Variants in PAX5 observed in about 807,000 individuals in gnomAD.
PAX5 encodes the protein paired box protein Pax-5.
PAX5 carries 9 observed loss-of-function variants against 43.7 expected under a neutral mutation model. The observed-to-expected ratio is 0.21, with a 90% CI of 0.12 to 0.36. The LOEUF is 0.36. PAX5 is among the 10% of genes least tolerant of loss of function. The pLI is 1.00. For missense variants in PAX5, 383 were observed against 532.7 expected (o/e 0.72, Z 2.77); for synonymous variants, 228 against 214.3 (o/e 1.06, Z -0.56).
chr9:36,834,954 C>T lies in PAX5; in HGVS notation c.*5606G>A, dbSNP rs898239739. On this transcript the variant is annotated 3_prime_UTR_variant, in exon 10 of 10. Transcript: ENST00000358127. ...CCAAGTCACCCCCACCCTGCTGTTTCACCTGCTTCCCTCCCTGGGCCCCGA... is the reference window on the plus strand; with the variant it reads ...CCAAGTCACCCCCACCCTGCTGTTTTACCTGCTTCCCTCCCTGGGCCCCGA... 20 of 232,588 alleles carry T rather than the reference C, an allele frequency of 8.6e-5. No homozygotes were observed. In the Admixed American group the frequency reaches 1.0e-3, roughly 12 times the overall value. 14.4% of individuals were successfully genotyped at this position (232,588 alleles called of 1,614,324 possible).
chr9:37,026,244 C>T (rs1840348022), intron 1 of PAX5, among the ~76,000 whole-genome samples: 1 of 152,262 alleles, frequency 6.6e-6, no homozygotes. Context: ...TCTACGGGTC[C>T]AAGCCAGGGT....
intron 6 of PAX5, among the ~76,000 whole-genome samples, chr9:36,947,677 C>T: frequency 1.3e-5 from 2 of 152,124 alleles, no homozygotes; most frequent in South Asian, 4.2e-4. Context: ...TATGATGTTT[C>T]ATTATATTAT....
intron 5 of PAX5, among the ~76,000 whole-genome samples, chr9:36,988,129 G>T (rs1165819321): frequency 6.6e-6 from 1 of 152,084 alleles, no homozygotes; most frequent in African/African-American, 2.4e-5. Context: ...GCTCCGGAAG[G>T]GCAGGACCTG....
chr9:36,954,393 A>G (rs1426098959), intron 6 of PAX5, among the ~76,000 whole-genome samples: 1 of 152,190 alleles, frequency 6.6e-6, no homozygotes, highest in Non-Finnish European at 1.5e-5. Flanking sequence ...TATCTTTCTT[A>G]TTGAAGTACA....
At chr9:36,953,939 G>C (rs981414551) in intron 6 of PAX5, among the ~76,000 whole-genome samples, 4 of 152,092 alleles carry the variant, frequency 2.6e-5, no homozygotes, top group Non-Finnish European at 5.9e-5. Context: ...CAGGCGTGGT[G>C]GTGCTGCCTG....
intron 6 of PAX5, chr9:36,930,939 G>T: frequency 1.2e-6 from 1 of 862,148 alleles, no homozygotes; most frequent in Non-Finnish European, 1.7e-6. Flanking sequence ...TCAGCACGGG[G>T]CACCACTGCC....
Position 36,991,687 on chromosome 9 carries a change from C to G in PAX5, c.604+10961G>C, listed in dbSNP as rs145829170. Among the ~76,000 whole-genome samples, 314 of 148,260 alleles carry G rather than the reference C, an allele frequency of 2.1e-3. 3 individuals carry two copies. Among genetic ancestry groups the G allele is most frequent in the Non-Finnish European group, 8.7e-4 (58 of 66,754 alleles). On this transcript the variant is annotated intron_variant, in intron 5 of 9. Transcript: ENST00000358127. ...CAAGCTCATGAATGGCCGGTACACA[C>G]TGCCCTGCTACCCTACCCCTCTTGT...
chr9:36,987,455 C>A (rs906137340), intron 5 of PAX5, among the ~76,000 whole-genome samples: 2 of 152,234 alleles, frequency 1.3e-5, no homozygotes, highest in Non-Finnish European at 2.9e-5. Flanking sequence ...CTTTCTCATG[C>A]ACTTCTTCTC....
At chr9:36,996,609 G>A (rs1024989608) in intron 5 of PAX5, among the ~76,000 whole-genome samples, 9 of 152,188 alleles carry the variant, frequency 5.9e-5, no homozygotes, top group African/African-American at 1.4e-4. Flanking sequence ...CCCTCATCCC[G>A]GGAGCAGCAG....
At chr9:36,945,051 G>C (rs1186596452) in intron 6 of PAX5, among the ~76,000 whole-genome samples, 1 of 152,284 alleles carries the variant, frequency 6.6e-6, no homozygotes, top group South Asian at 2.1e-4. Context: ...TCAGAAGACT[G>C]CTGTAGCAAC....
chr9:36,959,801 G>A (rs1031605972), intron 6 of PAX5, among the ~76,000 whole-genome samples: 36 of 152,318 alleles, frequency 2.4e-4, no homozygotes, highest in African/African-American at 8.7e-4. Flanking sequence ...TACCCCAATG[G>A]CCACCAGCCT....
chr9:36,939,611 G>A (rs1053203057), intron 6 of PAX5, among the ~76,000 whole-genome samples: 21 of 152,112 alleles, frequency 1.4e-4, no homozygotes, highest in African/African-American at 4.1e-4. Context: ...TGTAAATGTC[G>A]GAAAATAGCA....
chr9:36,924,394 C>T (rs1341904090), intron 6 of PAX5, among the ~76,000 whole-genome samples: 2 of 152,116 alleles, frequency 1.3e-5, no homozygotes, highest in Non-Finnish European at 2.9e-5. Flanking sequence ...TCTCTTCCTC[C>T]CACCCCACCC....
chr9:36,919,257 A>G (rs577884151), intron 7 of PAX5, among the ~76,000 whole-genome samples: 60 of 148,146 alleles, frequency 4.1e-4, no homozygotes, highest in African/African-American at 1.4e-3. Flanking sequence ...TACTGCTCAG[A>G]AAAAAAAAAA....
chr9:36,879,034 C>G (rs1362661873), intron 8 of PAX5, among the ~76,000 whole-genome samples: 2 of 152,286 alleles, frequency 1.3e-5, no homozygotes, highest in East Asian at 3.9e-4. Flanking sequence ...TCATGGGCTC[C>G]CAGGCAGCAG....
At chr9:36,854,998 G>A (rs887101887) in intron 8 of PAX5, among the ~76,000 whole-genome samples, 1 of 152,252 alleles carries the variant, frequency 6.6e-6, no homozygotes, top group African/African-American at 2.4e-5. Context: ...GTGGCCAAGT[G>A]GCCTTTCTGG....
At chr9:36,883,092 G>T in intron 7 of PAX5, among the ~76,000 whole-genome samples, 1 of 152,154 alleles carries the variant, frequency 6.6e-6, no homozygotes, top group Non-Finnish European at 1.5e-5. Context: ...TAAGAGGATC[G>T]TGAGAGGGGA....
At chr9:36,872,413 G>A (rs1825571140) in intron 8 of PAX5, among the ~76,000 whole-genome samples, 1 of 152,136 alleles carries the variant, frequency 6.6e-6, no homozygotes. Flanking sequence ...AACCTTGAAT[G>A]GCAGGAGCAG....
intron 4 of PAX5, among the ~76,000 whole-genome samples, chr9:37,005,501 T>C (rs891791789): frequency 5.3e-5 from 8 of 152,148 alleles, no homozygotes; most frequent in African/African-American, 1.9e-4. Context: ...CACCCACAAA[T>C]GAGGAAACTG....
Sources: allele counts gnomAD v4.1 joint callset (sites outside exome capture counted in the v4.1 genomes callset), GRCh38; gene constraint gnomAD v4.1.1; transcripts MANE v1.5; gene names NCBI Gene and HGNC (gene_info 2026-07-23, HGNC 2026-07-21).